The following ABLIM3 variants were observed in gnomAD, a reference collection of about 807,000 sequenced individuals.
ABLIM3 encodes actin-binding LIM protein 3.
Under a neutral mutation model 109.5 loss-of-function variants are expected in ABLIM3, and 61 were observed. That is an observed-to-expected ratio of 0.56 (90% CI 0.45 to 0.69). ABLIM3 has a LOEUF of 0.69. ABLIM3 is among the 30% of genes least tolerant of loss of function. ABLIM3 has a pLI of 0.00. For missense variants in ABLIM3, 796 were observed against 889.5 expected (o/e 0.89, Z 1.34); for synonymous variants, 300 against 324.8 (o/e 0.92, Z 0.82).
intron 16 of ABLIM3, among the ~76,000 whole-genome samples, chr5:149,245,492 G>A (rs1440299479): frequency 6.6e-6 from 1 of 152,228 alleles, no homozygotes; most frequent in Admixed American, 6.5e-5. Context: ...CAGAGAGGAA[G>A]AGAAGCAGTA....
chr5:149,239,722 C>T (rs772098168), intron 12 of ABLIM3, 37 bp from the exon 13 acceptor site: 5 of 1,543,614 alleles, frequency 3.2e-6, no homozygotes, highest in Admixed American at 2.1e-5. Context: ...GCCCACTTAA[C>T]AGCCAGCCAT....
chr5:149,239,359 G>A (rs1009580840), intron 12 of ABLIM3, 82 bp downstream of exon 12: 53 of 1,485,940 alleles, frequency 3.6e-5, no homozygotes, highest in Non-Finnish European at 4.7e-5. Context: ...CCCCCCGAAG[G>A]TGTCTGAGCC....
rs78537435 is a variant in ABLIM3 at position 149,239,454 on chromosome 5, A to T, written c.1074+177A>T. ...GGAGGAAGTGGTAGTGGCATACAGG[A>T]TGGAAATCTGCCCTTCCTGCCCAGA... is the stretch of plus-strand genomic sequence containing the variant. On this transcript the variant is annotated intron_variant, in intron 12 of 23. Coordinates refer to ENST00000309868, the MANE Select transcript of ABLIM3 (RefSeq NM_014945.5). Among the ~76,000 whole-genome samples the T allele has an allele frequency of 8.4e-3, 1,277 of 152,212 alleles. 15 individuals are homozygous for T. Among genetic ancestry groups the T allele is most frequent in the African/African-American group, 0.029 (1,203 of 41,532 alleles).
chr5:149,152,183 G>C (rs1753494351), intron 2 of ABLIM3, among the ~76,000 whole-genome samples: 1 of 152,118 alleles, frequency 6.6e-6, no homozygotes. Flanking sequence ...GCTTTGGATG[G>C]GGTATATACT....
Position 149,245,091 on chromosome 5 carries a change from C to T in ABLIM3, c.1486+76C>T, listed in dbSNP as rs945369187. On this transcript the variant is annotated intron_variant, in intron 16 of 23. Coordinates refer to ENST00000309868, the MANE Select transcript of ABLIM3 (RefSeq NM_014945.5). Reference sequence around the variant, plus strand: ...GACACGGGTGTTCAGAACAGTTGCCCACTCCTTTATACAATCATTCTGAAT... The same window carrying T: ...GACACGGGTGTTCAGAACAGTTGCCTACTCCTTTATACAATCATTCTGAAT... 5.1e-6 allele frequency: 8 copies of T among 1,572,150 alleles called. No individual in the cohort carries two copies. The South Asian group carries it at 5.6e-5, about 11-fold the overall frequency.
At chr5:149,217,432 T>C in intron 8 of ABLIM3, 1 of 206,118 alleles carries the variant, frequency 4.9e-6, no homozygotes, top group Non-Finnish European at 9.9e-6. Flanking sequence ...CAGCCTCTAC[T>C]CTACCTCCTT....
At chr5:149,244,731 G>T in intron 15 of ABLIM3, 150 bp from the exon 16 acceptor site, 1 of 964,396 alleles carries the variant, frequency 1.0e-6, no homozygotes. Context: ...TTCCAGCTCC[G>T]ATGCTCCATG....
chr5:149,233,363 C>A, intron 10 of ABLIM3, 63 bp downstream of exon 10: 1 of 1,517,678 alleles, frequency 6.6e-7, no homozygotes, highest in South Asian at 1.1e-5. Context: ...TATAAAGAGT[C>A]ACTAAGGATA....
intron 4 of ABLIM3, 29 bp from the exon 5 acceptor site, chr5:149,200,287 G>T: frequency 6.3e-7 from 1 of 1,596,774 alleles, no homozygotes; most frequent in Non-Finnish European, 8.6e-7. Flanking sequence ...AAGAGGGTGT[G>T]TTGAATTTCT....
At chr5:149,181,666 C>T (rs1756465759) in intron 2 of ABLIM3, among the ~76,000 whole-genome samples, 2 of 152,130 alleles carry the variant, frequency 1.3e-5, no homozygotes, top group African/African-American at 4.8e-5. Context: ...GTCCTGATTT[C>T]CTGTTCCTCT....
chr5:149,170,248 C>T (rs1755267698), intron 2 of ABLIM3, among the ~76,000 whole-genome samples: 1 of 151,332 alleles, frequency 6.6e-6, no homozygotes, highest in South Asian at 2.1e-4. Context: ...CTCTCTCTCT[C>T]TCTCTCTCTC....
rs779636155 is a variant in ABLIM3 at position 149,200,301 on chromosome 5, T to G, written c.336-15T>G. The G allele has an allele frequency of 6.2e-7, 1 of 1,612,148 alleles. No homozygotes were observed. Among genetic ancestry groups the G allele is most frequent in the Non-Finnish European group, 8.5e-7 (1 of 1,178,324 alleles). ...GAAGAGGGTGTGTTGAATTTCTCCCTCATCCCACTTGCAGGAAGCCTTTCC... is the reference window on the plus strand; with the variant it reads ...GAAGAGGGTGTGTTGAATTTCTCCCGCATCCCACTTGCAGGAAGCCTTTCC... On this transcript the variant is annotated splice_polypyrimidine_tract_variant and intron_variant, in intron 4 of 23. Transcript: ENST00000309868.
At chr5:149,236,157 G>A (rs1762330220) in intron 10 of ABLIM3, among the ~76,000 whole-genome samples, 1 of 152,180 alleles carries the variant, frequency 6.6e-6, no homozygotes, top group Non-Finnish European at 1.5e-5. Flanking sequence ...GCAGTGTTCA[G>A]GACATAGATC....
At chr5:149,235,444 A>G (rs1762253832) in intron 10 of ABLIM3, among the ~76,000 whole-genome samples, 1 of 152,170 alleles carries the variant, frequency 6.6e-6, no homozygotes, top group South Asian at 2.1e-4. Context: ...GCTTTGACCC[A>G]TGTGTTCTCT....
chr5:149,149,606 T>C (rs1443166732), intron 2 of ABLIM3, among the ~76,000 whole-genome samples: 5 of 152,120 alleles, frequency 3.3e-5, no homozygotes, highest in Non-Finnish European at 7.4e-5. Flanking sequence ...AGAAAACGTC[T>C]CGGGCCAAAA....
At chr5:149,161,023 A>G (rs1386083945) in intron 2 of ABLIM3, among the ~76,000 whole-genome samples, 2 of 152,074 alleles carry the variant, frequency 1.3e-5, no homozygotes, top group African/African-American at 2.4e-5. Context: ...TCTCTTCCCA[A>G]TAATCAGACC....
At chr5:149,165,282 G>A (rs189249121) in intron 2 of ABLIM3, among the ~76,000 whole-genome samples, 12 of 152,320 alleles carry the variant, frequency 7.9e-5, no homozygotes, top group Non-Finnish European at 7.3e-5. Flanking sequence ...TGTAGCAAGA[G>A]TGGATAAACT....
In ABLIM3 at chr5:149,207,001, C is replaced by T. The variant is rs1759045204; in HGVS notation, c.449-7C>T. ...GCTTTGCTCAGCAGTGTCCTCTTGT[C>T]TTGCAGACTGTGCCGGGTGCAAGGA... On this transcript the variant is annotated splice_polypyrimidine_tract_variant and splice_region_variant and intron_variant, in intron 5 of 23. Coordinates refer to ENST00000309868, the MANE Select transcript of ABLIM3 (RefSeq NM_014945.5). 1 of 1,613,512 alleles carries T rather than the reference C, an allele frequency of 6.2e-7. No homozygotes were observed. The highest frequency in any genetic ancestry group is 1.1e-5 in the South Asian group (1 of 91,022).
intron 23 of ABLIM3, among the ~76,000 whole-genome samples, chr5:149,257,323 A>G (rs1341970828): frequency 6.6e-6 from 1 of 151,978 alleles, no homozygotes; most frequent in Non-Finnish European, 1.5e-5. Context: ...AATAGTTCAC[A>G]GTGACAACAA....
Sources: gnomAD v4.1 joint callset for allele counts (sites outside exome capture counted in the v4.1 genomes callset) on GRCh38, gnomAD v4.1.1 for gene constraint, MANE v1.5 for transcripts, NCBI Gene and HGNC (gene_info 2026-07-23, HGNC 2026-07-21) for gene names.